WWOX: variants seen among roughly 807,000 people sequenced by gnomAD.
The protein encoded by WWOX is WW domain containing oxidoreductase, also known as WW domain-containing oxidoreductase.
WWOX carries 69 observed loss-of-function variants against 46.2 expected under a neutral mutation model. That is an observed-to-expected ratio of 1.49 (90% CI 1.23 to 1.82). The LOEUF is 1.82. Among genes scored for constraint, WWOX ranks in the 40% most tolerant of loss-of-function variants. WWOX has a pLI of 0.00. For missense variants in WWOX, 919 were observed against 542.6 expected (o/e 1.69, Z -6.89); for synonymous variants, 359 against 202.6 (o/e 1.77, Z -6.56).
chr16:78,756,914 T>A, intron 8 of WWOX: 3 of 703,034 alleles, frequency 4.3e-6, no homozygotes, highest in Non-Finnish European at 7.8e-6. Flanking sequence ...GGCTTCTGCC[T>A]TACTGATGTG....
At chr16:78,261,788 C>CTATATCTATATATA (rs2079244557) in intron 5 of WWOX, among the ~76,000 whole-genome samples, 1 of 73,746 alleles carries the variant, frequency 1.4e-5, no homozygotes. Flanking sequence ...ATCTATCTAT[C>CTATATCTATATATA]TATATATATA....
chr16:78,830,878 C>G (rs372027201), intron 8 of WWOX, among the ~76,000 whole-genome samples: 27 of 152,232 alleles, frequency 1.8e-4, no homozygotes, highest in African/African-American at 6.3e-4. Context: ...CCCATCCTTA[C>G]CCTCTATAGC....
intron 8 of WWOX, among the ~76,000 whole-genome samples, chr16:79,020,500 C>G (rs563731701): frequency 1.3e-5 from 2 of 152,280 alleles, no homozygotes; most frequent in African/African-American, 4.8e-5. Context: ...GGATTAAATG[C>G]AACAGTAATC....
At chr16:78,825,275 A>G (rs1235560439) in intron 8 of WWOX, 1 of 283,646 alleles carries the variant, frequency 3.5e-6, no homozygotes, top group Non-Finnish European at 7.1e-6. Context: ...GGTGTGCAGC[A>G]GCATGATGGC....
At chr16:78,481,323 C>G (rs765794907) in intron 8 of WWOX, among the ~76,000 whole-genome samples, 4 of 152,162 alleles carry the variant, frequency 2.6e-5, no homozygotes, top group Non-Finnish European at 4.4e-5. Context: ...CTCTGTCTCT[C>G]TTGGTTTTCA....
At chr16:78,927,978 G>T (rs989252799) in intron 8 of WWOX, among the ~76,000 whole-genome samples, 4 of 151,598 alleles carry the variant, frequency 2.6e-5, no homozygotes, top group Non-Finnish European at 4.4e-5. Flanking sequence ...CAGGGTTTTT[G>T]TGTGTGTGTG....
intron 5 of WWOX, among the ~76,000 whole-genome samples, chr16:78,268,504 T>G (rs2079412651): frequency 6.6e-6 from 1 of 152,182 alleles, no homozygotes; most frequent in African/African-American, 2.4e-5. Flanking sequence ...ATTTTATTTT[T>G]GGAAGACATC....
intron 8 of WWOX, among the ~76,000 whole-genome samples, chr16:78,641,949 G>C (rs185219866): frequency 1.2e-4 from 18 of 152,250 alleles, no homozygotes; most frequent in African/African-American, 4.1e-4. Context: ...CGGAAAAAAG[G>C]ATTATTCCTC....
chr16:78,356,986 G>A (rs2081308476), intron 5 of WWOX, among the ~76,000 whole-genome samples: 2 of 152,122 alleles, frequency 1.3e-5, no homozygotes, highest in Non-Finnish European at 2.9e-5. Flanking sequence ...CCTTTTTATG[G>A]CCATGTATAC....
intron 8 of WWOX, among the ~76,000 whole-genome samples, chr16:78,926,433 G>C (rs1407173938): frequency 6.6e-6 from 1 of 151,888 alleles, no homozygotes; most frequent in African/African-American, 2.4e-5. Context: ...GAATGTAACT[G>C]TCTATAATTT....
At chr16:78,423,739 G>A (rs902780080) in intron 6 of WWOX, among the ~76,000 whole-genome samples, 2 of 151,752 alleles carry the variant, frequency 1.3e-5, no homozygotes, top group African/African-American at 2.4e-5. Context: ...CCAGTTACTC[G>A]GGAGGCTAAG....
At chr16:78,618,804 C>T (rs866939916) in intron 8 of WWOX, among the ~76,000 whole-genome samples, 2 of 151,740 alleles carry the variant, frequency 1.3e-5, no homozygotes, top group African/African-American at 4.8e-5. Context: ...GAGTCGCTGC[C>T]CTGTGGCCTG....
chr16:78,993,377 A>T (rs990120867), intron 8 of WWOX, among the ~76,000 whole-genome samples: 1 of 152,164 alleles, frequency 6.6e-6, no homozygotes, highest in Non-Finnish European at 1.5e-5. Flanking sequence ...AGTGCTTGTC[A>T]AGAGGGTAAT....
At chr16:78,696,502 C>T (rs1055079545) in intron 8 of WWOX, among the ~76,000 whole-genome samples, 3 of 151,698 alleles carry the variant, frequency 2.0e-5, no homozygotes, top group Non-Finnish European at 4.4e-5. Flanking sequence ...GCTAGTAATA[C>T]GTGGTAGGAT....
chr16:78,504,961 A>C, intron 8 of WWOX, among the ~76,000 whole-genome samples: 1 of 152,160 alleles, frequency 6.6e-6, no homozygotes, highest in South Asian at 2.1e-4. Flanking sequence ...AGAATGTATA[A>C]ATTGATGTGT....
intron 8 of WWOX, among the ~76,000 whole-genome samples, chr16:79,208,414 C>T (rs2051594886): frequency 6.6e-6 from 1 of 152,012 alleles, no homozygotes; most frequent in African/African-American, 2.4e-5. Flanking sequence ...GAACCCATAG[C>T]TCCAGCCAGT....
At chr16:78,386,249 C>T (rs1032014581) in intron 5 of WWOX, among the ~76,000 whole-genome samples, 1 of 152,296 alleles carries the variant, frequency 6.6e-6, no homozygotes, top group South Asian at 2.1e-4. Context: ...TACACAGTAG[C>T]CATTATTACC....
chr16:78,763,686 T>G (rs1007387688), intron 8 of WWOX, among the ~76,000 whole-genome samples: 1 of 152,254 alleles, frequency 6.6e-6, no homozygotes, highest in East Asian at 1.9e-4. Flanking sequence ...ACTCATTAAA[T>G]ACTTGTTCCA....
chr16:79,160,339 C>A (rs1157427142), intron 8 of WWOX, among the ~76,000 whole-genome samples: 1 of 152,082 alleles, frequency 6.6e-6, no homozygotes, highest in Admixed American at 6.5e-5. Flanking sequence ...TGGCACCAAG[C>A]GGGAGGTGGA....
Sources: allele counts gnomAD v4.1 joint callset (sites outside exome capture counted in the v4.1 genomes callset), GRCh38; gene constraint gnomAD v4.1.1; transcripts MANE v1.5; gene names NCBI Gene and HGNC (gene_info 2026-07-23, HGNC 2026-07-21).